Variants in C10orf90 observed in about 807,000 individuals in gnomAD.
C10orf90 encodes the protein (E2-independent) E3 ubiquitin-conjugating enzyme FATS.
A neutral mutation model predicts 62.5 loss-of-function variants in C10orf90; 56 were observed. The ratio of observed to expected loss-of-function variants is 0.90; its 90% CI spans 0.72 to 1.12. C10orf90 has a LOEUF of 1.12. C10orf90 is among the 50% of genes most tolerant of loss of function. C10orf90 has a pLI of 0.00. For synonymous variants in C10orf90, 386 were observed against 340.4 expected (o/e 1.13, Z -1.47); for missense variants, 970 against 880.4 (o/e 1.10, Z -1.29).
chr10:126,526,023 A>AACACACACACACAC lies in C10orf90; in HGVS notation c.314-12098_314-12085dup, dbSNP rs3040780. 6.8e-3 allele frequency among the ~76,000 whole-genome samples: 944 copies of AACACACACACACAC among 139,014 alleles called. 11 individuals carry two copies. Among genetic ancestry groups the AACACACACACACAC allele is most frequent in the African/African-American group, 0.022 (826 of 37,124 alleles). The allele number at this position is 139,014 out of a possible 152,430, so 91.2% of individuals were successfully genotyped here. ...TAAATAGCTTGTCCACACCTGCCAC[A>AACACACACACACAC]ACACACACACACACACACACACACA... On this transcript the variant is annotated intron_variant, in intron 2 of 9. Transcript: ENST00000488181.
Position 126,456,572 on chromosome 10 carries a change from G to A in C10orf90, c.2188+2468C>T, listed in dbSNP as rs1309375147. On this transcript the variant is annotated intron_variant, in intron 7 of 9. Coordinates refer to ENST00000488181, the MANE Select transcript of C10orf90 (RefSeq NM_001350921.2). This position sits in a 1 kb window ranked among gnomAD's most constrained non-coding sequence, Gnocchi z 4.9. ...TGAATGATATAATGAGTGTAATGAT[G>A]TCGCCCCAACAAAAAGATATGTTTA... is the stretch of plus-strand genomic sequence containing the variant. Among the ~76,000 whole-genome samples the A allele has an allele frequency of 6.6e-6, 1 of 152,192 alleles. No homozygotes were observed. Among genetic ancestry groups the A allele is most frequent in the Non-Finnish European group, 1.5e-5 (1 of 68,044 alleles).
chr10:126,668,783 G>A (rs974147591), intron 1 of C10orf90, among the ~76,000 whole-genome samples: 1 of 152,098 alleles, frequency 6.6e-6, no homozygotes, highest in African/African-American at 2.4e-5. Flanking sequence ...AACATTAGTG[G>A]CTCGGTTGTT....
intron 2 of C10orf90, among the ~76,000 whole-genome samples, chr10:126,629,547 C>A (rs1464576843): frequency 1.3e-5 from 2 of 152,174 alleles, no homozygotes; most frequent in African/African-American, 4.8e-5. Flanking sequence ...CTGACAGATG[C>A]AGACATCTGA....
chr10:126,652,294 C>A (rs529742308), intron 1 of C10orf90, among the ~76,000 whole-genome samples: 1 of 152,222 alleles, frequency 6.6e-6, no homozygotes, highest in Admixed American at 6.5e-5. Context: ...TTAGATTTTT[C>A]ATTTAGATTC....
At position 126,461,405 on chromosome 10, in the gene C10orf90, A is replaced by G; in HGVS notation, c.2006T>C (p.Leu669Ser). Residue 669 changes from leucine (L) to serine (S), a missense_variant, in exon 6 of 10, where the codon TTG (leucine) becomes TCG (serine). Transcript: ENST00000488181. ...AGGACACACAGAAGGCCTTACTTGC[A>G]AGGTCAAAGATCTTGCAGGCGTTTG... ...SQQTPARSLT[L>S]QEALEVRKPQ... The G allele has an allele frequency of 6.2e-7, 1 of 1,613,874 alleles. No homozygotes were observed. Among genetic ancestry groups the G allele is most frequent in the Non-Finnish European group, 8.5e-7 (1 of 1,179,902 alleles).
rs1862558078 is a variant in C10orf90, at chr10:126,504,076, T to C, written c.1415A>G (p.Asn472Ser). The C allele has an allele frequency of 6.2e-7, 1 of 1,614,142 alleles. No homozygotes were observed. Among genetic ancestry groups the C allele is most frequent in the Non-Finnish European group, 8.5e-7 (1 of 1,180,042 alleles). Residue 472 changes from asparagine (N) to serine (S), a missense_variant, in exon 4 of 10, where the codon AAT (asparagine) becomes AGT (serine). By Grantham distance (46) the Asn-to-Ser change is conservative (BLOSUM62 1). Coordinates refer to ENST00000488181, the MANE Select transcript of C10orf90 (RefSeq NM_001350921.2). The surrounding 1 kb of genome is among the most constrained non-coding windows in gnomAD (Gnocchi z 4.1). The stretch of plus-strand genomic sequence containing the variant: ...TACAGTGACTTGGTTAGCTCCCACA[T>C]TTGCCAATTCTGTGTTTTCCAATGG... ...SFPLENTELA[N>S]VGANQVTVRK... is the part of the protein sequence containing the mutation.
intron 2 of C10orf90, among the ~76,000 whole-genome samples, chr10:126,557,714 T>A (rs1192603182): frequency 1.3e-5 from 2 of 152,234 alleles, no homozygotes; most frequent in Non-Finnish European, 2.9e-5. Context: ...ATATTTTAAA[T>A]GAGATTCACC....
At chr10:126,442,244 C>A (rs1463775360) in intron 7 of C10orf90, among the ~76,000 whole-genome samples, 1 of 151,188 alleles carries the variant, frequency 6.6e-6, no homozygotes, top group Non-Finnish European at 1.5e-5. Context: ...CAAAAGCAAG[C>A]AGGAGTAGCT....
rs191277790 is a variant in C10orf90, at chr10:126,571,085, T to C, written c.314-57146A>G. On this transcript the variant is annotated intron_variant, in intron 2 of 9. Coordinates refer to ENST00000488181, the MANE Select transcript of C10orf90 (RefSeq NM_001350921.2). ...CAGGAAATTGCCATGGAAATAAATG[T>C]TAGGTTTGGCACCAGTTCCTTTTAA... Among the ~76,000 whole-genome samples, 278 of 152,300 alleles carry C rather than the reference T, an allele frequency of 1.8e-3. 1 individual carries two copies. Among genetic ancestry groups the C allele is most frequent in the African/African-American group, 6.2e-3 (259 of 41,566 alleles).
At chr10:126,477,843 G>T (rs919589877) in intron 4 of C10orf90, among the ~76,000 whole-genome samples, 4 of 152,182 alleles carry the variant, frequency 2.6e-5, no homozygotes, top group Non-Finnish European at 4.4e-5. Context: ...AAACATATCT[G>T]TAAAATCCTG....
At chr10:126,656,595 A>G (rs1846399251) in intron 1 of C10orf90, among the ~76,000 whole-genome samples, 3 of 152,220 alleles carry the variant, frequency 2.0e-5, no homozygotes. Flanking sequence ...CGGCCACACA[A>G]TACTACATAC....
chr10:126,540,493 T>C (rs550595220), intron 2 of C10orf90, among the ~76,000 whole-genome samples: 2 of 152,158 alleles, frequency 1.3e-5, no homozygotes, highest in Admixed American at 6.5e-5. Context: ...ATCCCATCTC[T>C]ACAAAAAGTT....
chr10:126,579,071 TAAAA>T (rs145344173), intron 2 of C10orf90, among the ~76,000 whole-genome samples: 6 of 142,456 alleles, frequency 4.2e-5, no homozygotes, highest in Non-Finnish European at 3.1e-5. Context: ...AGTTTTTTTT[TAAAA>T]AAAAAAACCT....
rs61226052 is a variant in C10orf90 at position 126,627,000 on chromosome 10, C to CTTTTTTTTT, written c.313+19556_313+19564dup. Among the ~76,000 whole-genome samples the CTTTTTTTTT allele has an allele frequency of 3.4e-4, 41 of 119,482 alleles. 1 individual carries two copies. Among genetic ancestry groups the CTTTTTTTTT allele is most frequent in the Non-Finnish European group, 4.1e-4 (24 of 58,344 alleles). 78.4% of individuals were successfully genotyped at this position (119,482 alleles called of 152,430 possible). ...AGATTTTTCTTTTTCTTTTTCTTTT[C>CTTTTTTTTT]TTTTTTTTTTTTTTTTTGAGACGTA... is the stretch of plus-strand genomic sequence containing the variant. On this transcript the variant is annotated intron_variant, in intron 2 of 9. Transcript: ENST00000488181.
rs530321595 is a variant in C10orf90 at position 126,462,557 on chromosome 10, TG to T, written c.1826-973del. ...TCATTCAGCAGCATCCATCACCAGG[TG>T]GGGTTGGAAGATCATACTTTCACCC... is the stretch of plus-strand genomic sequence containing the variant. On this transcript the variant is annotated intron_variant, in intron 5 of 9. Transcript: ENST00000488181. Among the ~76,000 whole-genome samples the T allele has an allele frequency of 3.2e-3, 480 of 152,206 alleles. 9 individuals carry two copies. The highest frequency in any genetic ancestry group is 4.7e-3 in the Non-Finnish European group (321 of 68,000).
chr10:126,623,839 TC>T lies in C10orf90; in HGVS notation c.313+22725del, dbSNP rs60238286. On this transcript the variant is annotated intron_variant, in intron 2 of 9. Transcript: ENST00000488181. ...CTGGGTGACAGAGCGAGACTCCATC[TC>T]AAAAAAAAAAAAAAAAAAGAATGAG... Among the ~76,000 whole-genome samples the T allele has an allele frequency of 6.5e-3, 887 of 136,642 alleles. 13 individuals carry two copies. The highest frequency in any genetic ancestry group is 0.01 in the Non-Finnish European group (648 of 64,484). The allele number at this position is 136,642 out of a possible 152,430, so 89.6% of individuals were successfully genotyped here.
At position 126,641,478 on chromosome 10, in the gene C10orf90, G is replaced by A. The variant is rs142096432; in HGVS notation, c.313+5087C>T. ...GAAAATTCCACGCCCCCCGCCATCC[G>A]CCCGCTCCTTTTTCCCTAAACCAAG... On this transcript the variant is annotated intron_variant, in intron 2 of 9. Transcript: ENST00000488181. Among the ~76,000 whole-genome samples the A allele has an allele frequency of 7.9e-5, 12 of 151,960 alleles. No homozygotes were observed. The East Asian group carries it at 9.7e-4, about 12-fold the overall frequency.
chr10:126,484,636 T>A (rs1045726183), intron 4 of C10orf90, among the ~76,000 whole-genome samples: 5 of 152,238 alleles, frequency 3.3e-5, no homozygotes, highest in African/African-American at 1.2e-4. Flanking sequence ...ATTACCACGA[T>A]ACTTTTTAAG....
chr10:126,646,573 G>A lies in C10orf90; in HGVS notation c.305C>T (p.Ser102Phe), dbSNP rs1257794640. 3 of 450,644 alleles carry A rather than the reference G, an allele frequency of 6.7e-6. No individual in the cohort carries two copies. Among genetic ancestry groups the A allele is most frequent in the Non-Finnish European group, 1.3e-5 (3 of 224,522 alleles). The allele number at this position is 450,644 out of a possible 1,614,324, so 27.9% of individuals were successfully genotyped here. ...AGGCCCCAGTCCTTTACCTGCATTGGAAAGACTTTCATTTCTTTCCCAGGC... is the reference window on the plus strand; with the variant it reads ...AGGCCCCAGTCCTTTACCTGCATTGAAAAGACTTTCATTTCTTTCCCAGGC... ...HSAWERNESL[S>F]NAGLRDSYHS... Residue 102 changes from serine to phenylalanine, a missense_variant, in exon 2 of 10, where the codon TCC becomes TTC. Coordinates refer to ENST00000488181, the MANE Select transcript of C10orf90 (RefSeq NM_001350921.2).
Sources: gnomAD v4.1 joint callset for allele counts (sites outside exome capture counted in the v4.1 genomes callset) on GRCh38, gnomAD v4.1.1 for gene constraint, Gnocchi (gnomAD v3.1) non-coding constraint, MANE v1.5 for transcripts, NCBI Gene and HGNC (gene_info 2026-07-23, HGNC 2026-07-21) for gene names.